INSL6: variants seen among roughly 807,000 people sequenced by gnomAD.
The protein encoded by INSL6 is insulin-like peptide INSL6.
In INSL6, 16 loss-of-function variants were observed where a neutral mutation model predicts 9.4. The ratio of observed to expected loss-of-function variants is 1.70; its 90% CI spans 1.15 to 2.59. The LOEUF (loss-of-function observed/expected upper bound fraction) is 2.59. Ranked by LOEUF, INSL6 falls within the 30% of genes most tolerant of loss-of-function variation. The pLI, the probability that INSL6 is intolerant of heterozygous loss-of-function variation, is 0.00. For synonymous variants in INSL6, 154 were observed against 96.9 expected (o/e 1.59, Z -3.46); for missense variants, 391 against 257.3 (o/e 1.52, Z -3.56).
At chr9:5,065,529 G>C in the INSL6 span, among the ~76,000 whole-genome samples, 16 of 152,184 alleles carry the variant, frequency 1.1e-4, no homozygotes, top group African/African-American at 3.6e-4. Flanking sequence ...TAACACAGCA[G>C]CCACTAGCTA....
At chr9:5,089,388 A>G in the INSL6 span, among the ~76,000 whole-genome samples, 4 of 152,218 alleles carry the variant, frequency 2.6e-5, no homozygotes, top group African/African-American at 9.6e-5. Context: ...TATACAAAAA[A>G]TTAGCTGGGC....
the INSL6 span, chr9:5,044,466 A>G: frequency 1.2e-6 from 2 of 1,613,292 alleles, no homozygotes; most frequent in African/African-American, 2.7e-5. Flanking sequence ...GAATATCTCG[A>G]GGTGCTGAAG....
chr9:5,062,500 T>TAAAAAAAAAAAAAAAAAA, the INSL6 span, among the ~76,000 whole-genome samples: 32 of 58,248 alleles, frequency 5.5e-4, 6 homozygotes, highest in African/African-American at 3.1e-3. Context: ...CTTCCATTTG[T>TAAAAAAAAAAAAAAAAAA]AAAAAAAAAA....
the INSL6 span, among the ~76,000 whole-genome samples, chr9:5,102,504 A>G: frequency 6.6e-6 from 1 of 152,208 alleles, no homozygotes; most frequent in Non-Finnish European, 1.5e-5. Flanking sequence ...CCGACCTACC[A>G]AGGCAGGCCA....
the INSL6 span, chr9:5,111,307 GCAGCCC>G: frequency 2.1e-6 from 1 of 466,546 alleles, no homozygotes; most frequent in East Asian, 5.1e-5. Flanking sequence ...CTGGCCCTCA[GCAGCCC>G]CGGACCCCTG....
intron 2 of INSL6, among the ~76,000 whole-genome samples, chr9:5,150,700 C>G (rs1176434797): frequency 6.6e-6 from 1 of 152,048 alleles, no homozygotes; most frequent in African/African-American, 2.4e-5. Flanking sequence ...CTATTTAATC[C>G]AGCAAACTCA....
chr9:5,072,235 A>G, the INSL6 span, among the ~76,000 whole-genome samples: 18 of 152,162 alleles, frequency 1.2e-4, no homozygotes, highest in Non-Finnish European at 1.9e-4. Flanking sequence ...AGTGACAATT[A>G]TAGCCCATTC....
At chr9:5,017,530 T>G in the INSL6 span, among the ~76,000 whole-genome samples, 1 of 152,218 alleles carries the variant, frequency 6.6e-6, no homozygotes, top group Non-Finnish European at 1.5e-5. Flanking sequence ...TCTGTTAGCT[T>G]TGGGCTTTGT....
At chr9:5,041,983 T>G in the INSL6 span, 1 of 364,460 alleles carries the variant, frequency 2.7e-6, no homozygotes, top group Admixed American at 3.8e-5. Flanking sequence ...AGCGAGCTTG[T>G]GTGAGGGCCT....
At chr9:5,084,652 T>C in the INSL6 span, among the ~76,000 whole-genome samples, 6 of 152,308 alleles carry the variant, frequency 3.9e-5, no homozygotes, top group Admixed American at 3.9e-4. Context: ...TCTTCCTTTA[T>C]CCTCATGCCC....
intron 2 of INSL6, among the ~76,000 whole-genome samples, chr9:5,136,302 G>T (rs972383450): frequency 1.3e-5 from 2 of 152,070 alleles, no homozygotes; most frequent in Non-Finnish European, 2.9e-5. Flanking sequence ...CCAAAACCTG[G>T]CAGAGACACA....
At chr9:5,141,611 G>C (rs1051801105) in intron 2 of INSL6, among the ~76,000 whole-genome samples, 3 of 152,088 alleles carry the variant, frequency 2.0e-5, no homozygotes, top group Admixed American at 2.0e-4. Flanking sequence ...ATAGATGCTG[G>C]ATATTAGACC....
At chr9:5,038,398 G>T in the INSL6 span, among the ~76,000 whole-genome samples, 1 of 152,066 alleles carries the variant, frequency 6.6e-6, no homozygotes, top group African/African-American at 2.4e-5. Context: ...AGAAAAGGAA[G>T]GAGGATTTCT....
the INSL6 span, chr9:5,100,665 G>T: frequency 6.6e-6 from 1 of 152,172 alleles, no homozygotes; most frequent in Non-Finnish European, 1.5e-5. Flanking sequence ...AGGAGTTTCA[G>T]TTACTTCGGC....
At chr9:5,168,325 A>G (rs1317536912) in intron 1 of INSL6, among the ~76,000 whole-genome samples, 2 of 152,234 alleles carry the variant, frequency 1.3e-5, no homozygotes, top group African/African-American at 2.4e-5. Flanking sequence ...GCTAAGAACC[A>G]TAATAAAACA....
At chr9:5,109,410 A>G in the INSL6 span, 2 of 152,156 alleles carry the variant, frequency 1.3e-5, no homozygotes, top group African/African-American at 4.8e-5. Context: ...GCCTAACAAT[A>G]TGGCTTTCTC....
chr9:5,042,536 C>T, the INSL6 span, among the ~76,000 whole-genome samples: 1 of 152,214 alleles, frequency 6.6e-6, no homozygotes, highest in East Asian at 1.9e-4. Context: ...AGGCCCCCTC[C>T]ACCCCCACCC....
the INSL6 span, chr9:5,021,972 C>G: frequency 6.3e-7 from 1 of 1,587,318 alleles, no homozygotes; most frequent in Non-Finnish European, 8.6e-7. Context: ...GGCAAATGTT[C>G]TGAAAAAGAC....
At chr9:5,086,974 A>G in the INSL6 span, among the ~76,000 whole-genome samples, 1 of 152,184 alleles carries the variant, frequency 6.6e-6, no homozygotes, top group African/African-American at 2.4e-5. Context: ...ATTATTTCCT[A>G]GTACGGGAAC....
Sources: gnomAD v4.1 joint callset for allele counts (sites outside exome capture counted in the v4.1 genomes callset) on GRCh38, gnomAD v4.1.1 for gene constraint, MANE v1.5 for transcripts, NCBI Gene and HGNC (gene_info 2026-07-23, HGNC 2026-07-21) for gene names.